The following STARD8 variants were observed in gnomAD, a reference collection of about 807,000 sequenced individuals.
STARD8 encodes StAR related lipid transfer domain containing 8.
In STARD8, 25 loss-of-function variants were observed where a neutral mutation model predicts 69.4. That is an observed-to-expected ratio of 0.36 (90% CI 0.26 to 0.50). The LOEUF is 0.50. Ranked by LOEUF, STARD8 falls within the 20% of genes least tolerant of loss-of-function variation. The pLI, the probability that STARD8 is intolerant of heterozygous loss-of-function variation, is 0.96. For synonymous variants in STARD8, 389 were observed against 374.6 expected (o/e 1.04, Z -0.45); for missense variants, 921 against 932.5 (o/e 0.99, Z 0.16).
At chrX:68,650,560 G>C (rs1473636132) in intron 1 of STARD8, among the ~76,000 whole-genome samples, 1 of 107,900 alleles carries the variant, frequency 9.3e-6, no homozygotes, top group Non-Finnish European at 1.9e-5. Flanking sequence ...CCAGCACTTT[G>C]GGATGCCGAG....
chrX:68,665,727 G>C (rs763229480), intron 2 of STARD8, among the ~76,000 whole-genome samples, 195 bp downstream of exon 2: 1 of 112,248 alleles, frequency 8.9e-6, no homozygotes, highest in Non-Finnish European at 1.9e-5. Context: ...CTCACGTGCA[G>C]AGCCTCTTTA....
chrX:68,717,332 C>T lies in STARD8; in HGVS notation c.418C>T (p.Leu140=), dbSNP rs781446255. 5.8e-6 allele frequency: 7 copies of T among 1,207,762 alleles called. No homozygotes were observed. The highest frequency in any genetic ancestry group is 6.7e-6 in the Non-Finnish European group (6 of 893,853). The change falls in exon 6 of 15, where the codon CTG becomes TTG. Residue 140 remains leucine, a synonymous_variant. Coordinates refer to ENST00000374599, the MANE Select transcript of STARD8 (RefSeq NM_001142503.3). The part of the protein sequence containing the change: ...SDLLAPPSPG[L]PATSSCESVL... ...TCTGTTGGCCCCACCGAGCCCTGGC[C>T]TGCCAGCGACCTCAAGCTGTGAGAG...
At chrX:68,695,221 C>A (rs1024759535) in intron 2 of STARD8, among the ~76,000 whole-genome samples, 2 of 110,247 alleles carry the variant, frequency 1.8e-5, no homozygotes, top group African/African-American at 6.6e-5. Context: ...AAGAAGGCTG[C>A]AGGTGATTTC....
chrX:68,680,292 G>A (rs1267166636), intron 2 of STARD8, among the ~76,000 whole-genome samples: 1 of 111,593 alleles, frequency 9.0e-6, no homozygotes, highest in African/African-American at 3.3e-5. Context: ...CCTCTGTTTG[G>A]ATGGGCTTCA....
At chrX:68,671,022 C>T (rs758256130) in intron 2 of STARD8, among the ~76,000 whole-genome samples, 1 of 111,949 alleles carries the variant, frequency 8.9e-6, no homozygotes, top group Non-Finnish European at 1.9e-5. Flanking sequence ...TGCCACCATG[C>T]TCGCCCTTCC....
chrX:68,716,554 C>A, intron 5 of STARD8, 123 bp downstream of exon 5: 1 of 631,236 alleles, frequency 1.6e-6, no homozygotes, highest in Non-Finnish European at 2.4e-6. Context: ...AGAGCAGTGC[C>A]TTTCCCCAGC....
intron 2 of STARD8, among the ~76,000 whole-genome samples, chrX:68,685,470 G>A (rs761083975): frequency 8.9e-6 from 1 of 112,452 alleles, no homozygotes; most frequent in Admixed American, 9.4e-5. Context: ...GGTAATGCAA[G>A]TTTGCTTGCG....
intron 2 of STARD8, among the ~76,000 whole-genome samples, chrX:68,691,991 T>A (rs923913651): frequency 3.6e-5 from 4 of 112,623 alleles, no homozygotes; most frequent in Non-Finnish European, 5.6e-5. Context: ...TGGAATTGGC[T>A]TTGACAAGGT....
At position 68,676,456 on chromosome X, in the gene STARD8, A is replaced by C. The variant is rs945766380; in HGVS notation, c.79+10924A>C. On this transcript the variant is annotated intron_variant, in intron 2 of 14. Coordinates refer to ENST00000374599, the MANE Select transcript of STARD8 (RefSeq NM_001142503.3). The stretch of plus-strand genomic sequence containing the variant: ...TGTTTAGGAAGAATTCCTTCTAGGC[A>C]AGCCCGTTGTCTCAGAAGTCAGCAA... Among the ~76,000 whole-genome samples, 4 of 112,365 alleles carry C rather than the reference A, an allele frequency of 3.6e-5. 1 individual carries two copies. Among genetic ancestry groups the C allele is most frequent in the African/African-American group, 1.3e-4 (4 of 30,908 alleles).
intron 2 of STARD8, among the ~76,000 whole-genome samples, chrX:68,702,342 G>A (rs775822507): frequency 8.9e-6 from 1 of 112,035 alleles, no homozygotes; most frequent in Non-Finnish European, 1.9e-5. Flanking sequence ...GGTTATTTAG[G>A]TAGGCTTCTG....
chrX:68,653,705 TACACCACACACACC>T (rs1419958121), intron 1 of STARD8, among the ~76,000 whole-genome samples: 1 of 32,852 alleles, frequency 3.0e-5, no homozygotes, highest in Non-Finnish European at 5.7e-5. Flanking sequence ...ACACCACACA[TACACCACACACACC>T]ACACCACACA....
At chrX:68,694,657 G>A (rs1390631267) in intron 2 of STARD8, among the ~76,000 whole-genome samples, 1 of 111,238 alleles carries the variant, frequency 9.0e-6, no homozygotes, top group Non-Finnish European at 1.9e-5. Flanking sequence ...GTATCTAAAG[G>A]GCCCGGTCTC....
At chrX:68,685,138 A>T (rs1225995336) in intron 2 of STARD8, among the ~76,000 whole-genome samples, 1 of 112,284 alleles carries the variant, frequency 8.9e-6, no homozygotes, top group Non-Finnish European at 1.9e-5. Flanking sequence ...GATTCCAGGA[A>T]CAAGGTATGG....
chrX:68,697,547 G>C (rs981898917), intron 2 of STARD8, among the ~76,000 whole-genome samples: 2 of 112,505 alleles, frequency 1.8e-5, no homozygotes, highest in South Asian at 7.3e-4. Context: ...AGAATTCTGG[G>C]AGGCTGCTCT....
rs1432294605 is a variant in STARD8, at chrX:68,724,700, A to ACCAG, written c.*282_*285dup. 2 of 251,185 alleles carry ACCAG rather than the reference A, an allele frequency of 8.0e-6. No individual in the cohort carries two copies. The highest frequency in any genetic ancestry group is 5.6e-5 in the African/African-American group (2 of 35,843). The allele number at this position is 251,185 out of a possible 1,213,427, so 20.7% of individuals were successfully genotyped here. A position where few individuals can be genotyped will look rare whatever the true frequency, so the allele number is the denominator to read the frequency against. On this transcript the variant is annotated 3_prime_UTR_variant, in exon 15 of 15. Coordinates refer to ENST00000374599, the MANE Select transcript of STARD8 (RefSeq NM_001142503.3). Reference sequence around the variant, plus strand: ...TCGCATGAGTAGCAAGACTGCTGCCACCAGCCACCTGCTTGTGAGGCCGCC... The same window carrying ACCAG: ...TCGCATGAGTAGCAAGACTGCTGCCACCAGCCAGCCACCTGCTTGTGAGGCCGCC...
chrX:68,682,721 T>C (rs997881515), intron 2 of STARD8, among the ~76,000 whole-genome samples: 2 of 112,434 alleles, frequency 1.8e-5, no homozygotes, highest in Admixed American at 9.4e-5. Flanking sequence ...ATATAAATGT[T>C]TGTGAAATAA....
rs964571784 is a variant in STARD8 at position 68,665,545 on chromosome X, G to A, written c.79+13G>A. 1 of 1,206,027 alleles carries A rather than the reference G, an allele frequency of 8.3e-7. No individual in the cohort carries two copies. Among genetic ancestry groups the A allele is most frequent in the Non-Finnish European group, 1.1e-6 (1 of 892,304 alleles). On this transcript the variant is annotated intron_variant, in intron 2 of 14. Transcript: ENST00000374599. ...AAGAAGAACGCTGGTAAGTACACGA[G>A]GTGGGCATTGCAAGTGGCATACAAA...
chrX:68,715,637 C>T (rs1193830822), intron 4 of STARD8, among the ~76,000 whole-genome samples: 1 of 111,931 alleles, frequency 8.9e-6, no homozygotes, highest in African/African-American at 3.2e-5. Flanking sequence ...TGCTTCAGTC[C>T]CTCTCTACTT....
chrX:68,718,276 C>T lies in STARD8; in HGVS notation c.1362C>T (p.Ala454=). 1.7e-6 allele frequency: 2 copies of T among 1,211,198 alleles called. No homozygotes were observed. The highest frequency in any genetic ancestry group is 1.7e-5 in the African/African-American group (1 of 57,814). The stretch of plus-strand genomic sequence containing the variant: ...TTCCGGCCCATGGAGAGTCCCCAGC[C>T]TGGGCCCAGGCTGAAGTCCAGCCAG... ...MEVPAHGESP[A]WAQAEVQPAV... Residue 454 remains alanine, a synonymous_variant, in exon 6 of 15, where the codon GCC becomes GCT. Coordinates refer to ENST00000374599, the MANE Select transcript of STARD8 (RefSeq NM_001142503.3).
Sources: allele counts gnomAD v4.1 joint callset (sites outside exome capture counted in the v4.1 genomes callset), GRCh38; gene constraint gnomAD v4.1.1; transcripts MANE v1.5; gene names NCBI Gene and HGNC (gene_info 2026-07-23, HGNC 2026-07-21).